GABBR2: variants seen among roughly 807,000 people sequenced by gnomAD.
GABBR2 encodes the protein gamma-aminobutyric acid type B receptor subunit 2.
In GABBR2, 23 loss-of-function variants were observed where a neutral mutation model predicts 105.6. The ratio of observed to expected loss-of-function variants is 0.22; its 90% CI spans 0.16 to 0.31. The LOEUF is 0.31. GABBR2 is among the 10% of genes least tolerant of loss of function. The pLI, the probability that GABBR2 is intolerant of heterozygous loss-of-function variation, is 1.00. For synonymous variants in GABBR2, 478 were observed against 499.7 expected, an observed-to-expected ratio of 0.96 and a Z score of 0.58; for missense variants, 734 against 1,245.5, an observed-to-expected ratio of 0.59 and a Z score of 6.18.
intron 2 of GABBR2, among the ~76,000 whole-genome samples, chr9:98,551,495 T>A (rs1437988457): frequency 6.6e-6 from 1 of 152,162 alleles, no homozygotes; most frequent in African/African-American, 2.4e-5. Flanking sequence ...GAAAAAACTG[T>A]GGCCCAGAAA....
chr9:98,626,941 C>G (rs1829745323), intron 1 of GABBR2, among the ~76,000 whole-genome samples: 1 of 152,186 alleles, frequency 6.6e-6, no homozygotes, highest in African/African-American at 2.4e-5. Flanking sequence ...TTGACATCAT[C>G]CTGCTTCAGG....
At chr9:98,475,770 A>G (rs1826778674) in intron 5 of GABBR2, among the ~76,000 whole-genome samples, 1 of 152,216 alleles carries the variant, frequency 6.6e-6, no homozygotes, top group South Asian at 2.1e-4. Flanking sequence ...GGAAGTAAGA[A>G]TCAGTAGATA....
intron 3 of GABBR2, chr9:98,538,516 T>A (rs1828225259): frequency 1.4e-6 from 1 of 721,132 alleles, no homozygotes; most frequent in Non-Finnish European, 1.7e-6. Flanking sequence ...ACCCAAGTCC[T>A]GAGCAGCCTC....
chr9:98,535,622 C>T (rs1034351426), intron 3 of GABBR2, among the ~76,000 whole-genome samples: 1 of 152,058 alleles, frequency 6.6e-6, no homozygotes, highest in African/African-American at 2.4e-5. Flanking sequence ...TGAGGATTCT[C>T]AGATTTTGGT....
chr9:98,657,783 T>C (rs1209289303), intron 1 of GABBR2, among the ~76,000 whole-genome samples: 4 of 152,260 alleles, frequency 2.6e-5, no homozygotes, highest in African/African-American at 9.6e-5. Flanking sequence ...GTTGTCATGA[T>C]GGTGAGTGAT....
chr9:98,323,611 C>A (rs926615617), intron 13 of GABBR2, among the ~76,000 whole-genome samples: 5 of 152,222 alleles, frequency 3.3e-5, no homozygotes, highest in African/African-American at 4.8e-5. Context: ...GGGCCCTGCC[C>A]AAGCTGTCCA....
At chr9:98,420,318 C>T (rs530515167) in intron 7 of GABBR2, among the ~76,000 whole-genome samples, 1 of 152,280 alleles carries the variant, frequency 6.6e-6, no homozygotes, top group Non-Finnish European at 1.5e-5. Context: ...CCTCGCCTAA[C>T]TGGAATGCCA....
intron 1 of GABBR2, among the ~76,000 whole-genome samples, chr9:98,640,970 C>G (rs541564978): frequency 6.6e-6 from 1 of 152,204 alleles, no homozygotes; most frequent in South Asian, 2.1e-4. Context: ...GTAAGATCTG[C>G]CTCCTCAGTG....
chr9:98,637,418 G>C (rs1048371092), intron 1 of GABBR2, among the ~76,000 whole-genome samples: 1 of 152,050 alleles, frequency 6.6e-6, no homozygotes, highest in African/African-American at 2.4e-5. Context: ...CAGAATAATG[G>C]CCCCCCAAGA....
chr9:98,490,907 T>G (rs545574556), intron 4 of GABBR2, among the ~76,000 whole-genome samples: 1 of 152,218 alleles, frequency 6.6e-6, no homozygotes, highest in Non-Finnish European at 1.5e-5. Context: ...ACAGAAATGG[T>G]ATTTCCTGAC....
chr9:98,486,402 G>A (rs991699776), intron 4 of GABBR2, among the ~76,000 whole-genome samples: 6 of 152,230 alleles, frequency 3.9e-5, no homozygotes, highest in Non-Finnish European at 5.9e-5. Flanking sequence ...GAAATTGCTG[G>A]TGTGCATTTA....
At chr9:98,543,678 A>G (rs1335849575) in intron 2 of GABBR2, among the ~76,000 whole-genome samples, 2 of 152,158 alleles carry the variant, frequency 1.3e-5, no homozygotes, top group Non-Finnish European at 2.9e-5. Context: ...GTGTAAAAGT[A>G]ATTGGTAGTT....
chr9:98,651,999 A>T (rs372713504), intron 1 of GABBR2, among the ~76,000 whole-genome samples: 2 of 152,320 alleles, frequency 1.3e-5, no homozygotes, highest in South Asian at 2.1e-4. Context: ...AGAGGAAATG[A>T]ATTGGGATAG....
At chr9:98,680,886 A>C (rs1241167571) in intron 1 of GABBR2, among the ~76,000 whole-genome samples, 2 of 152,212 alleles carry the variant, frequency 1.3e-5, no homozygotes, top group Non-Finnish European at 1.5e-5. Context: ...TCATTCAACA[A>C]ATGGTATTGG....
intron 6 of GABBR2, among the ~76,000 whole-genome samples, chr9:98,467,462 T>G (rs1314365719): frequency 2.0e-5 from 3 of 151,650 alleles, no homozygotes; most frequent in African/African-American, 7.3e-5. Context: ...ATGGGAGCTT[T>G]GTGGGGGGTA....
intron 1 of GABBR2, among the ~76,000 whole-genome samples, chr9:98,589,947 T>G (rs1829124610): frequency 6.6e-6 from 1 of 152,176 alleles, no homozygotes. Context: ...ACTCCTGGAC[T>G]TGAACTCCCA....
chr9:98,311,166 G>A lies in GABBR2; in HGVS notation c.1933C>T (p.Leu645=), dbSNP rs755034014. The A allele has an allele frequency of 6.2e-7, 1 of 1,613,814 alleles. No individual in the cohort carries two copies. Among genetic ancestry groups the A allele is most frequent in the East Asian group, 2.2e-5 (1 of 44,880 alleles). ...AGRDISIRPL[L]EHCENTHMTI... Reference sequence around the variant, plus strand: ...ATATGGGTGTTCTCACAGTGCTCCAGGAGAGGGCGGATGGAGATATCCCGT... The same window carrying A: ...ATATGGGTGTTCTCACAGTGCTCCAAGAGAGGGCGGATGGAGATATCCCGT... Residue 645 remains leucine, a synonymous_variant, in exon 14 of 19, where the codon CTG becomes TTG. Coordinates refer to ENST00000259455, the MANE Select transcript of GABBR2 (RefSeq NM_005458.8).
intron 3 of GABBR2, among the ~76,000 whole-genome samples, chr9:98,510,763 T>C (rs1330915640): frequency 6.6e-6 from 1 of 151,958 alleles, no homozygotes; most frequent in Admixed American, 6.5e-5. Context: ...GCACCCAGAT[T>C]CATAAAGCAA....
intron 11 of GABBR2, among the ~76,000 whole-genome samples, chr9:98,385,317 C>T (rs553456556): frequency 6.6e-6 from 1 of 152,340 alleles, no homozygotes; most frequent in East Asian, 1.9e-4. Context: ...ATCCTCCCTC[C>T]TCAGCCTCCT....
Sources: gnomAD v4.1 joint callset for allele counts (sites outside exome capture counted in the v4.1 genomes callset) on GRCh38, gnomAD v4.1.1 for gene constraint, MANE v1.5 for transcripts, NCBI Gene and HGNC (gene_info 2026-07-23, HGNC 2026-07-21) for gene names.